The following WASHC5 variants were observed in gnomAD, a reference collection of about 807,000 sequenced individuals.
The protein encoded by WASHC5 is WASH complex subunit strumpellin.
Under a neutral mutation model 150.4 loss-of-function variants are expected in WASHC5, and 101 were observed. The observed-to-expected ratio is 0.67, with a 90% CI of 0.57 to 0.79. The LOEUF is 0.79. Ranked by LOEUF, WASHC5 falls within the 30% of genes least tolerant of loss-of-function variation. WASHC5 has a pLI of 0.00. For synonymous variants in WASHC5, 467 were observed against 491.2 expected (o/e 0.95, Z 0.65); for missense variants, 1,195 against 1,396.3 (o/e 0.86, Z 2.30).
At chr8:125,091,449 G>A (rs1817638690) in intron 1 of WASHC5, among the ~76,000 whole-genome samples, 166 bp downstream of exon 1, 1 of 152,158 alleles carries the variant, frequency 6.6e-6, no homozygotes, top group South Asian at 2.1e-4. Context: ...CGGAGACGAA[G>A]AGCTGGATTA....
chr8:125,051,102 T>A (rs981747029), intron 17 of WASHC5, among the ~76,000 whole-genome samples: 1 of 152,136 alleles, frequency 6.6e-6, no homozygotes, highest in South Asian at 2.1e-4. Flanking sequence ...GCACCTTATA[T>A]CCACATGAGC....
At position 125,076,458 on chromosome 8, in the gene WASHC5, C is replaced by A; in HGVS notation, c.754G>T (p.Ala252Ser). ...PLPEHRSTALANQAAMLYVIL... is the reference protein window; with the variant it reads ...PLPEHRSTALSNQAAMLYVIL... ...ACGTACAGCATGGCAGCTTGGTTTG[C>A]CAGGGCTGTGCTGCGATGCTCCGGC... The change falls in exon 7 of 29, where the codon GCA (alanine) becomes TCA (serine). Residue 252 changes from alanine to serine, a missense_variant. Physicochemically the swap from Ala to Ser is moderately conservative, Grantham distance 99. Transcript: ENST00000318410. 1.2e-6 allele frequency: 2 copies of A among 1,614,018 alleles called. No homozygotes were observed.
At chr8:125,057,742 C>T (rs747969930) in intron 14 of WASHC5, 76 bp from the exon 15 acceptor site, 726 of 951,228 alleles carry the variant, frequency 7.6e-4, no homozygotes, top group Non-Finnish European at 8.0e-4. Context: ...GAAAATGTAA[C>T]ATACAACAAA....
intron 20 of WASHC5, among the ~76,000 whole-genome samples, chr8:125,045,267 C>A (rs1478847080): frequency 6.6e-6 from 1 of 152,220 alleles, no homozygotes; most frequent in Non-Finnish European, 1.5e-5. Flanking sequence ...ACAGTGACAA[C>A]AACCAACCAT....
At chr8:125,030,965 T>G (rs1330329646) in intron 27 of WASHC5, among the ~76,000 whole-genome samples, 2 of 152,182 alleles carry the variant, frequency 1.3e-5, no homozygotes, top group African/African-American at 4.8e-5. Context: ...GGAGGGAGAC[T>G]GCATTATTCT....
chr8:125,079,748 AC>A (rs1312607797), intron 5 of WASHC5, among the ~76,000 whole-genome samples: 2 of 152,182 alleles, frequency 1.3e-5, no homozygotes, highest in Non-Finnish European at 2.9e-5. Flanking sequence ...ATAAGTGAAG[AC>A]TATATATAGC....
chr8:125,069,281 G>A (rs550213178), intron 9 of WASHC5, among the ~76,000 whole-genome samples: 1 of 152,266 alleles, frequency 6.6e-6, no homozygotes, highest in South Asian at 2.1e-4. Context: ...CATGCTCTTG[G>A]ACTTCCCAGC....
At chr8:125,083,081 C>T in intron 3 of WASHC5, 32 bp downstream of exon 3, 2 of 1,353,006 alleles carry the variant, frequency 1.5e-6, no homozygotes, top group Non-Finnish European at 2.1e-6. Context: ...CTATTTACTA[C>T]CAGAATAAGC....
At chr8:125,024,711 A>G in intron 28 of WASHC5, 38 bp from the exon 29 acceptor site, 1 of 1,415,392 alleles carries the variant, frequency 7.1e-7, no homozygotes. Context: ...ATGGTGTTAT[A>G]GTTGAACAAT....
At chr8:125,066,383 T>A (rs1563627072) in intron 10 of WASHC5, among the ~76,000 whole-genome samples, 1 of 152,140 alleles carries the variant, frequency 6.6e-6, no homozygotes, top group Non-Finnish European at 1.5e-5. Flanking sequence ...AAGATGAGGA[T>A]CTGTTCCGAA....
intron 9 of WASHC5, among the ~76,000 whole-genome samples, chr8:125,069,018 G>A (rs537515924): frequency 8.5e-5 from 13 of 152,372 alleles, no homozygotes; most frequent in Non-Finnish European, 1.3e-4. Flanking sequence ...CTACTGCTGC[G>A]GTTTCAATGC....
intron 19 of WASHC5, among the ~76,000 whole-genome samples, chr8:125,047,934 C>T (rs1252474521): frequency 6.6e-6 from 1 of 152,030 alleles, no homozygotes; most frequent in Non-Finnish European, 1.5e-5. Flanking sequence ...GCAGCCTCAA[C>T]CTCCTGGGCT....
At chr8:125,059,149 G>T in intron 14 of WASHC5, 73 bp downstream of exon 14, 2 of 1,065,804 alleles carry the variant, frequency 1.9e-6, no homozygotes, top group Non-Finnish European at 2.9e-6. Context: ...ATCCTGGGCT[G>T]AATTAATGAA....
chr8:125,078,965 A>AAAC, intron 5 of WASHC5, 35 bp from the exon 6 acceptor site: 1 of 1,553,748 alleles, frequency 6.4e-7, no homozygotes, highest in Non-Finnish European at 8.9e-7. Flanking sequence ...CAAAGACCCA[A>AAAC]AACACACATA....
intron 27 of WASHC5, among the ~76,000 whole-genome samples, chr8:125,031,896 G>T (rs1815549655): frequency 6.6e-6 from 1 of 152,150 alleles, no homozygotes; most frequent in African/African-American, 2.4e-5. Context: ...CTTGGCAGTG[G>T]CCCAGCAGGA....
Position 125,024,279 on chromosome 8 carries a change from A to G in WASHC5, c.*338T>C, listed in dbSNP as rs1815307685. ...GACGACTTTGGGTACTAGTAATACT[A>G]TTTTACTGAAAATCTGGAGTTGCAC... On this transcript the variant is annotated 3_prime_UTR_variant, in exon 29 of 29. Transcript: ENST00000318410. 2.8e-6 allele frequency: 1 copy of G among 352,950 alleles called. No individual in the cohort carries two copies. The highest frequency in any genetic ancestry group is 2.1e-5 in the African/African-American group (1 of 47,620). 21.9% of individuals were successfully genotyped at this position (352,950 alleles called of 1,614,324 possible). A position where few individuals can be genotyped will look rare whatever the true frequency, so the allele number is the denominator to read the frequency against.
intron 1 of WASHC5, among the ~76,000 whole-genome samples, chr8:125,085,226 T>C (rs1186912623): frequency 1.3e-5 from 2 of 152,202 alleles, no homozygotes; most frequent in African/African-American, 2.4e-5. Flanking sequence ...CATTTAATTG[T>C]CAGTATGGAG....
chr8:125,075,262 C>A (rs112380903), intron 7 of WASHC5, 151 bp from the exon 8 acceptor site: 2 of 667,040 alleles, frequency 3.0e-6, no homozygotes, highest in South Asian at 1.6e-5. Context: ...GGTAAGTGTT[C>A]CTGATTGTTA....
rs1440566910 is a variant in WASHC5 at position 125,083,169 on chromosome 8, C to T, written c.276G>A (p.Val92=). The change falls in exon 3 of 29, where the codon GTG becomes GTA. Residue 92 remains valine (V), a synonymous_variant. Transcript: ENST00000318410. ...TTTGAAATGCTAAATAAAATCTGGT[C>T]ACAATTTCTATGTTGTTTTCACGAA... ...EEFRENNIEI[V]TRFYLAFQSV... The T allele has an allele frequency of 6.3e-7, 1 of 1,593,074 alleles. No individual in the cohort carries two copies. Among genetic ancestry groups the T allele is most frequent in the Non-Finnish European group, 8.6e-7 (1 of 1,161,460 alleles).
Sources: gnomAD v4.1 joint callset for allele counts (sites outside exome capture counted in the v4.1 genomes callset) on GRCh38, gnomAD v4.1.1 for gene constraint, MANE v1.5 for transcripts, NCBI Gene and HGNC (gene_info 2026-07-23, HGNC 2026-07-21) for gene names.